The following NAALADL2 variants were observed in gnomAD, a reference collection of about 807,000 sequenced individuals.
The protein encoded by NAALADL2 is N-acetylated alpha-linked acidic dipeptidase like 2.
In NAALADL2, 76 loss-of-function variants were observed where a neutral mutation model predicts 87.2. The ratio of observed to expected loss-of-function variants is 0.87; its 90% CI spans 0.72 to 1.05. The LOEUF (loss-of-function observed/expected upper bound fraction) is 1.05, where lower values mean the gene tolerates loss of function less well. Among genes scored for constraint, NAALADL2 ranks in the 50% least tolerant of loss-of-function variants. The pLI, the probability that NAALADL2 is intolerant of heterozygous loss-of-function variation, is 0.00. For missense variants in NAALADL2, 1,089 were observed against 945.8 expected (o/e 1.15, Z -1.99); for synonymous variants, 354 against 331.0 (o/e 1.07, Z -0.75).
At chr3:175,045,449 C>T (rs1754553922) in intron 1 of NAALADL2, among the ~76,000 whole-genome samples, 1 of 152,002 alleles carries the variant, frequency 6.6e-6, no homozygotes, top group Non-Finnish European at 1.5e-5. Flanking sequence ...GACTGTTTAT[C>T]CTCTAAGTTA....
intron 3 of NAALADL2, among the ~76,000 whole-genome samples, chr3:174,767,381 A>T (rs1459805392): frequency 6.6e-6 from 1 of 152,192 alleles, no homozygotes; most frequent in East Asian, 1.9e-4. Flanking sequence ...TTTTACCAGG[A>T]AACACATCAC....
chr3:175,157,129 T>C (rs756713491), intron 2 of NAALADL2, among the ~76,000 whole-genome samples: 6 of 152,154 alleles, frequency 3.9e-5, no homozygotes, highest in South Asian at 4.1e-4. Flanking sequence ...GTCATTAAAA[T>C]AATTTTTTAA....
intron 13 of NAALADL2, among the ~76,000 whole-genome samples, chr3:175,775,383 G>A (rs181846391): frequency 6.6e-6 from 1 of 152,064 alleles, no homozygotes; most frequent in African/African-American, 2.4e-5. Flanking sequence ...GAAATTACTT[G>A]TAATAATAGT....
intron 1 of NAALADL2, among the ~76,000 whole-genome samples, chr3:174,985,734 C>T (rs1042807493): frequency 6.6e-6 from 1 of 152,096 alleles, no homozygotes; most frequent in African/African-American, 2.4e-5. Flanking sequence ...GGGATGGTCA[C>T]CTGAGGTCGG....
At chr3:174,852,140 C>A (rs528973760) in intron 3 of NAALADL2, among the ~76,000 whole-genome samples, 1 of 152,170 alleles carries the variant, frequency 6.6e-6, no homozygotes, top group East Asian at 1.9e-4. Flanking sequence ...AACTGAAAGC[C>A]TTTTTTTCTA....
At chr3:175,029,213 A>G (rs1290004460) in intron 1 of NAALADL2, among the ~76,000 whole-genome samples, 1 of 152,088 alleles carries the variant, frequency 6.6e-6, no homozygotes, top group Non-Finnish European at 1.5e-5. Flanking sequence ...ACTTGTTTTT[A>G]TACTTCAGCT....
intron 5 of NAALADL2, among the ~76,000 whole-genome samples, chr3:175,346,718 A>T (rs1422080308): frequency 6.6e-6 from 1 of 152,142 alleles, no homozygotes; most frequent in Admixed American, 6.6e-5. Flanking sequence ...AACGACTTCA[A>T]CCCTCTCATT....
intron 3 of NAALADL2, among the ~76,000 whole-genome samples, chr3:174,792,235 G>C (rs1717546224): frequency 6.8e-6 from 1 of 146,692 alleles, no homozygotes. Flanking sequence ...GAAAGAAAGA[G>C]AGAAAGAAGA....
intron 3 of NAALADL2, among the ~76,000 whole-genome samples, chr3:174,792,430 A>G (rs921163529): frequency 6.6e-6 from 1 of 152,140 alleles, no homozygotes; most frequent in African/African-American, 2.4e-5. Flanking sequence ...CCCAGTTTTC[A>G]TGTCAGCCTC....
intron 2 of NAALADL2, among the ~76,000 whole-genome samples, chr3:175,165,222 C>T (rs1233965900): frequency 6.6e-6 from 1 of 152,082 alleles, no homozygotes; most frequent in Non-Finnish European, 1.5e-5. Flanking sequence ...AATTGTCATC[C>T]TCATAATGTG....
chr3:174,872,519 T>G (rs1018687289), intron 1 of NAALADL2, among the ~76,000 whole-genome samples: 4 of 152,232 alleles, frequency 2.6e-5, no homozygotes, highest in African/African-American at 9.6e-5. Context: ...AGATTCATAT[T>G]TAAATTTAAA....
chr3:175,505,212 C>CTATG (rs993306319), intron 9 of NAALADL2, among the ~76,000 whole-genome samples: 8 of 151,108 alleles, frequency 5.3e-5, no homozygotes, highest in African/African-American at 1.7e-4. Flanking sequence ...TTGCAGTGAG[C>CTATG]TATGATCCTG....
chr3:175,434,572 T>A (rs375397997), intron 5 of NAALADL2, among the ~76,000 whole-genome samples: 13 of 152,094 alleles, frequency 8.5e-5, no homozygotes, highest in Non-Finnish European at 1.6e-4. Flanking sequence ...GTTCATTTAA[T>A]CAGTCTCATA....
At chr3:175,563,443 A>G (rs1378241618) in intron 9 of NAALADL2, among the ~76,000 whole-genome samples, 1 of 152,192 alleles carries the variant, frequency 6.6e-6, no homozygotes. Flanking sequence ...AAACTACCTG[A>G]GGTCAACTTC....
intron 2 of NAALADL2, among the ~76,000 whole-genome samples, chr3:174,713,387 C>G (rs896950119): frequency 5.3e-5 from 8 of 152,168 alleles, no homozygotes; most frequent in Non-Finnish European, 7.3e-5. Flanking sequence ...ACACTGACTT[C>G]CACAACGGTT....
At chr3:175,156,317 T>C (rs62283013) in intron 2 of NAALADL2, among the ~76,000 whole-genome samples, 54,793 of 151,816 alleles carry the variant, frequency 0.36, 11,227 homozygotes, top group East Asian at 0.56. Context: ...GACAAATCTT[T>C]AGATAAATAG....
chr3:174,663,030 T>C (rs1553812677), intron 2 of NAALADL2, among the ~76,000 whole-genome samples: 1 of 152,202 alleles, frequency 6.6e-6, no homozygotes, highest in Non-Finnish European at 1.5e-5. Flanking sequence ...TATTTTAGTA[T>C]TAGATAATAA....
intron 2 of NAALADL2, among the ~76,000 whole-genome samples, chr3:174,662,432 G>T (rs1725588806): frequency 6.6e-6 from 1 of 152,088 alleles, no homozygotes; most frequent in Non-Finnish European, 1.5e-5. Flanking sequence ...TATTTATTCA[G>T]AAAACTAAAA....
chr3:174,831,304 G>A (rs2109370608), intron 3 of NAALADL2, among the ~76,000 whole-genome samples: 1 of 148,584 alleles, frequency 6.7e-6, no homozygotes, highest in African/African-American at 2.5e-5. Flanking sequence ...TTTATTGAGA[G>A]TTTTTAGCAT....
Sources: gnomAD v4.1 joint callset for allele counts (sites outside exome capture counted in the v4.1 genomes callset) on GRCh38, gnomAD v4.1.1 for gene constraint, MANE v1.5 for transcripts, NCBI Gene and HGNC (gene_info 2026-07-23, HGNC 2026-07-21) for gene names.